The following TPST2 variants were observed in gnomAD, a reference collection of about 807,000 sequenced individuals.
TPST2 encodes protein-tyrosine sulfotransferase 2.
TPST2 carries 16 observed loss-of-function variants against 27.8 expected under a neutral mutation model. The ratio of observed to expected loss-of-function variants is 0.58; its 90% confidence interval spans 0.39 to 0.88. TPST2 has a LOEUF of 0.88. Ranked by LOEUF, TPST2 falls within the 40% of genes least tolerant of loss-of-function variation. The pLI is 0.00. For synonymous variants in TPST2, 229 were observed against 231.7 expected (o/e 0.99, Z 0.10); for missense variants, 464 against 543.1 (o/e 0.85, Z 1.45).
intron 1 of TPST2, among the ~76,000 whole-genome samples, chr22:26,563,823 G>A (rs1287135629): frequency 6.6e-6 from 1 of 152,208 alleles, no homozygotes; most frequent in Non-Finnish European, 1.5e-5. Flanking sequence ...CAAGCAGTAA[G>A]GCCACCTGGG....
chr22:26,528,151 A>G, intron 6 of TPST2, 63 bp downstream of exon 6: 1 of 1,545,554 alleles, frequency 6.5e-7, no homozygotes, highest in East Asian at 2.4e-5. Flanking sequence ...GTGGCTTTTC[A>G]GAAAAGTGGC....
chr22:26,542,290 A>AGCT (rs2147191299), intron 2 of TPST2, among the ~76,000 whole-genome samples: 1 of 150,666 alleles, frequency 6.6e-6, no homozygotes, highest in African/African-American at 2.4e-5. Flanking sequence ...GAGAGATCAT[A>AGCT]GCTCACTGCG....
At position 26,539,303 on chromosome 22, in the gene TPST2, A is replaced by G. The variant is rs562909854; in HGVS notation, c.842+1486T>C. Among the ~76,000 whole-genome samples the G allele has an allele frequency of 1.1e-4, 17 of 152,282 alleles. No homozygotes were observed. In the South Asian group the frequency reaches 3.5e-3, roughly 32 times the overall value. On this transcript the variant is annotated intron_variant, in intron 3 of 6. Coordinates refer to ENST00000338754, the MANE Select transcript of TPST2 (RefSeq NM_003595.5). ...TATCCAGAGCCTGATCAGGATGGGA[A>G]AGCGTGGAAACTGCATATTCTGCTC...
Position 26,523,850 on chromosome 22 carries a change from T to C in TPST2, c.*2425A>G, listed in dbSNP as rs1259970919. 6.6e-6 allele frequency: 1 copy of C among 152,262 alleles called. No individual in the cohort carries two copies. The highest frequency in any genetic ancestry group is 1.9e-4 in the East Asian group (1 of 5,202). The allele number at this position is 152,262 out of a possible 1,614,324, so 9.4% of individuals were successfully genotyped here. A position where few individuals can be genotyped will look rare whatever the true frequency, so the allele number is the denominator to read the frequency against. The stretch of plus-strand genomic sequence containing the variant: ...TGCCCACCTCAGCCTCCCAAAGTGC[T>C]GGGATTACAAGCATGAGCCACCGGG... On this transcript the variant is annotated 3_prime_UTR_variant, in exon 7 of 7. Transcript: ENST00000338754.
intron 3 of TPST2, among the ~76,000 whole-genome samples, chr22:26,539,690 GC>G (rs1469993052): frequency 3.3e-5 from 5 of 152,058 alleles, no homozygotes; most frequent in Admixed American, 1.3e-4. Flanking sequence ...AATTGCTTGA[GC>G]CCAAGAGGTC....
intron 1 of TPST2, among the ~76,000 whole-genome samples, chr22:26,577,109 A>G (rs996044688): frequency 2.6e-5 from 4 of 151,024 alleles, no homozygotes; most frequent in East Asian, 3.9e-4. Flanking sequence ...AAAAAAAAAA[A>G]AAAAGAAAAT....
intron 1 of TPST2, among the ~76,000 whole-genome samples, chr22:26,566,948 C>T (rs1344634777): frequency 6.6e-6 from 1 of 152,174 alleles, no homozygotes; most frequent in Non-Finnish European, 1.5e-5. Context: ...CTGTCCCATG[C>T]ATTGTAGGAT....
intron 1 of TPST2, among the ~76,000 whole-genome samples, chr22:26,551,299 C>T (rs1000773334): frequency 6.6e-5 from 10 of 152,088 alleles, no homozygotes; most frequent in Admixed American, 6.5e-4. Context: ...AACAAACAAA[C>T]AAACAAACAA....
intron 3 of TPST2, among the ~76,000 whole-genome samples, chr22:26,537,540 C>A (rs1486135504): frequency 1.3e-5 from 2 of 152,162 alleles, no homozygotes; most frequent in African/African-American, 4.8e-5. Context: ...GCAACCTCCA[C>A]CTCCTGGGTT....
intron 1 of TPST2, among the ~76,000 whole-genome samples, chr22:26,571,228 C>A (rs1411984844): frequency 6.6e-6 from 1 of 152,154 alleles, no homozygotes; most frequent in Non-Finnish European, 1.5e-5. Flanking sequence ...CTCAAACACA[C>A]AAGCACCCTC....
chr22:26,548,414 T>G, intron 1 of TPST2, among the ~76,000 whole-genome samples: 1 of 139,242 alleles, frequency 7.2e-6, no homozygotes. Context: ...CTGATGTGAG[T>G]ATGAAACCAG....
At chr22:26,570,037 A>C (rs112934300) in intron 1 of TPST2, among the ~76,000 whole-genome samples, 23,294 of 114,828 alleles carry the variant, frequency 0.2, 3,022 homozygotes, top group East Asian at 0.36. Flanking sequence ...GAAAGAAAGA[A>C]AGAAAGACAG....
intron 1 of TPST2, among the ~76,000 whole-genome samples, chr22:26,580,739 C>G (rs1222934452): frequency 6.6e-6 from 1 of 152,000 alleles, no homozygotes; most frequent in East Asian, 1.9e-4. Context: ...GGAAGGATCC[C>G]CAAAGGAGCC....
At chr22:26,540,759 C>G in intron 3 of TPST2, 30 bp downstream of exon 3, 3 of 1,534,300 alleles carry the variant, frequency 2.0e-6, no homozygotes, top group Non-Finnish European at 2.6e-6. Context: ...GGGCCAGAGT[C>G]TGAGTGGAAG....
chr22:26,541,644 C>A lies in TPST2; in HGVS notation c.-14G>T, dbSNP rs1348793731. On this transcript the variant is annotated 5_prime_UTR_variant, in exon 3 of 7. Transcript: ENST00000338754. The surrounding 1 kb of genome is among the most constrained non-coding windows in gnomAD (Gnocchi z 5.9). ...CGACAGGCGCATGCTGGGCCGGAGG[C>A]AGGGTAGGCCTGGCCTGAGGGCCCG... 5.8e-6 allele frequency: 9 copies of A among 1,547,970 alleles called. No individual in the cohort carries two copies. Among genetic ancestry groups the A allele is most frequent in the Middle Eastern group, 1.9e-4 (1 of 5,236 alleles).
chr22:26,576,353 A>G (rs1236243745), intron 1 of TPST2, among the ~76,000 whole-genome samples: 2 of 152,194 alleles, frequency 1.3e-5, no homozygotes, highest in African/African-American at 4.8e-5. Context: ...GATCTACAGG[A>G]GCCTGAGGGT....
At chr22:26,584,137 T>C (rs1184991147) in intron 1 of TPST2, among the ~76,000 whole-genome samples, 1 of 152,230 alleles carries the variant, frequency 6.6e-6, no homozygotes, top group Non-Finnish European at 1.5e-5. Context: ...ACAAAAAACA[T>C]GCAGCAGGGT....
At chr22:26,580,023 T>C (rs186483147) in intron 1 of TPST2, among the ~76,000 whole-genome samples, 14 of 152,138 alleles carry the variant, frequency 9.2e-5, no homozygotes, top group Non-Finnish European at 1.9e-4. Context: ...GGCAGGTGGA[T>C]TGCTTGAGCC....
chr22:26,550,582 C>T (rs1181531449), intron 1 of TPST2: 2 of 985,404 alleles, frequency 2.0e-6, no homozygotes, highest in African/African-American at 3.5e-5. Flanking sequence ...CAGGAGGTCA[C>T]TGCACTTACA....
Sources: gnomAD v4.1 joint callset for allele counts (sites outside exome capture counted in the v4.1 genomes callset) on GRCh38, gnomAD v4.1.1 for gene constraint, Gnocchi (gnomAD v3.1) non-coding constraint, MANE v1.5 for transcripts, NCBI Gene and HGNC (gene_info 2026-07-23, HGNC 2026-07-21) for gene names.